The following FAM234A variants were observed in gnomAD, a reference collection of about 807,000 sequenced individuals.
FAM234A encodes protein FAM234A.
FAM234A carries 42 observed loss-of-function variants against 49.1 expected under a neutral mutation model. The ratio of observed to expected loss-of-function variants is 0.86; its 90% CI spans 0.67 to 1.11. The LOEUF (loss-of-function observed/expected upper bound fraction) is 1.11. FAM234A is among the 50% of genes least tolerant of loss of function. The pLI is 0.00. For missense variants in FAM234A, 815 were observed against 745.2 expected (o/e 1.09, Z -1.09); for synonymous variants, 369 against 316.2 (o/e 1.17, Z -1.77).
chr16:235,092 G>C (rs1393004806), intron 1 of FAM234A, among the ~76,000 whole-genome samples: 1 of 152,232 alleles, frequency 6.6e-6, no homozygotes, highest in Non-Finnish European at 1.5e-5. Context: ...TGATTCTTTC[G>C]GGTTTCCCCC....
chr16:263,236 C>T (rs928882608), intron 8 of FAM234A, 26 bp from the exon 9 acceptor site: 6 of 1,606,140 alleles, frequency 3.7e-6, no homozygotes, highest in Non-Finnish European at 5.1e-6. Context: ...GGACCCGGCG[C>T]CCCTTTCTCC....
intron 6 of FAM234A, 124 bp downstream of exon 6, chr16:261,638 C>A: frequency 8.5e-7 from 1 of 1,179,926 alleles, no homozygotes; most frequent in Non-Finnish European, 1.2e-6. Flanking sequence ...CGGGGACTCG[C>A]CCAGAGCCCC....
At chr16:254,337 C>A (rs1004571264) in intron 2 of FAM234A, 44 bp from the exon 3 acceptor site, 35 of 1,529,922 alleles carry the variant, frequency 2.3e-5, no homozygotes, top group Non-Finnish European at 3.0e-5. Context: ...AGCTTTGTGC[C>A]GTGGGACTGC....
In FAM234A at chr16:265,769, C is replaced by T. The variant is rs1029651927; in HGVS notation, c.*747C>T. On this transcript the variant is annotated 3_prime_UTR_variant, in exon 13 of 13. Transcript: ENST00000399932. ...TACTGGCTGCATGTGCTGTGAATAT[C>T]CCAAGGAACTGGCTGTGGAATGCGT... The T allele has an allele frequency of 1.0e-6, 1 of 985,630 alleles. No homozygotes were observed. The highest frequency in any genetic ancestry group is 1.2e-6 in the Non-Finnish European group (1 of 830,186). 61.1% of individuals were successfully genotyped at this position (985,630 alleles called of 1,614,324 possible). A position where few individuals can be genotyped will look rare whatever the true frequency, so the allele number is the denominator to read the frequency against.
chr16:264,493 T>G, intron 11 of FAM234A, 121 bp from the exon 12 acceptor site: 1 of 793,464 alleles, frequency 1.3e-6, no homozygotes, highest in Non-Finnish European at 2.0e-6. Flanking sequence ...GGGCTGGCAT[T>G]TGGGGGACCC....
chr16:254,712 C>G (rs1449978588), intron 3 of FAM234A, 31 bp downstream of exon 3: 3 of 1,607,020 alleles, frequency 1.9e-6, no homozygotes, highest in East Asian at 2.2e-5. Context: ...CCAGTGGGGT[C>G]CAAAGCAGCT....
At chr16:238,349 C>G (rs182103652) in intron 1 of FAM234A, among the ~76,000 whole-genome samples, 1 of 152,124 alleles carries the variant, frequency 6.6e-6, no homozygotes, top group Non-Finnish European at 1.5e-5. Context: ...CACTATGCAG[C>G]TTACCACTCC....
chr16:250,022 T>C (rs1181169739), intron 2 of FAM234A, among the ~76,000 whole-genome samples: 1 of 152,202 alleles, frequency 6.6e-6, no homozygotes, highest in Non-Finnish European at 1.5e-5. Flanking sequence ...CTCGGCTCAC[T>C]GCAAGCTCCA....
intron 1 of FAM234A, among the ~76,000 whole-genome samples, chr16:243,998 T>C (rs1442927935): frequency 6.6e-6 from 1 of 151,952 alleles, no homozygotes; most frequent in African/African-American, 2.4e-5. Context: ...AGTCGGAGTC[T>C]TGCTCTGTCA....
chr16:240,502 ATTTTTTTT>A (rs11341453), intron 1 of FAM234A, among the ~76,000 whole-genome samples: 1 of 131,956 alleles, frequency 7.6e-6, no homozygotes, highest in Admixed American at 7.5e-5. Flanking sequence ...ATCTGGGTGT[ATTTTTTTT>A]TTTTTTTTTG....
intron 3 of FAM234A, among the ~76,000 whole-genome samples, chr16:255,242 G>A (rs1196409539): frequency 6.6e-6 from 1 of 151,700 alleles, no homozygotes; most frequent in Non-Finnish European, 1.5e-5. Flanking sequence ...CTCCTCCCTC[G>A]GCCTCCCAAC....
Position 264,053 on chromosome 16 carries a change from G to GTAGCC in FAM234A, c.1232_1236dup (p.Leu413Ter). On this transcript the variant is annotated frameshift_variant, in exon 11 of 13. Transcript: ENST00000399932. LOFTEE classifies it high-confidence loss of function. ...GACCTTGGCACTGGAGCCGTCCTGT[G>GTAGCC]TAGCCTAGCCCTCCCGAGCCTCCCT... is the stretch of plus-strand genomic sequence containing the variant. 6.2e-7 allele frequency: 1 copy of GTAGCC among 1,613,204 alleles called. No homozygotes were observed. Among genetic ancestry groups the GTAGCC allele is most frequent in the Admixed American group, 1.7e-5 (1 of 60,010 alleles).
chr16:255,740 C>T (rs2051205538), intron 3 of FAM234A, among the ~76,000 whole-genome samples: 1 of 152,150 alleles, frequency 6.6e-6, no homozygotes, highest in African/African-American at 2.4e-5. Context: ...CTCCGCTCAT[C>T]TCAACCGCCA....
rs774886289 is a variant in FAM234A, at chr16:264,655, C to A, written c.1386C>A (p.Pro462=). Residue 462 remains proline, a synonymous_variant, in exon 12 of 13, where the codon CCC becomes CCA. Transcript: ENST00000399932. ...EARHSLYMFH[P]TLPRVLLELA... ...GGCACAGCCTGTACATGTTCCACCC[C>A]ACCCTGCCGCGCGTGCTGCTGGAGC... The A allele has an allele frequency of 7.4e-6, 12 of 1,611,892 alleles. 1 individual carries two copies. The South Asian group carries it at 1.1e-4, about 15-fold the overall frequency.
At chr16:268,663 G>A (rs768871142), downstream of FAM234A, 33 of 1,115,418 alleles carry the variant, frequency 3.0e-5, no homozygotes, top group South Asian at 4.3e-5. Flanking sequence ...AGGTGCCGGC[G>A]CACCTGTGGA....
In FAM234A at chr16:264,120, CTCAGCCTTCT is replaced by C. The variant is rs1236272288; in HGVS notation, c.1296_1305del (p.Ala433SerfsTer62). 2 of 1,610,652 alleles carry C rather than the reference CTCAGCCTTCT, an allele frequency of 1.2e-6. No homozygotes were observed. The highest frequency in any genetic ancestry group is 1.7e-5 in the Admixed American group (1 of 59,910). Reference sequence around the variant, plus strand: ...CCAGCCTGCCGACCGCAGACCACCGCTCAGCCTTCTTCTTCTGGGGCCTCCACGAGCTGGG... The same window carrying C: ...CCAGCCTGCCGACCGCAGACCACCGCTCTTCTGGGGCCTCCACGAGCTGGG... On this transcript the variant is annotated frameshift_variant, in exon 11 of 13. Transcript: ENST00000399932. LOFTEE classifies it high-confidence loss of function.
chr16:249,003 C>T lies in FAM234A; in HGVS notation c.-139-546C>T, dbSNP rs537443598. 1.3e-3 allele frequency among the ~76,000 whole-genome samples: 200 copies of T among 151,952 alleles called. 4 individuals carry two copies. Among genetic ancestry groups the T allele is most frequent in the African/African-American group, 4.7e-3 (193 of 41,310 alleles). On this transcript the variant is annotated intron_variant, in intron 1 of 12. Coordinates refer to ENST00000399932, the MANE Select transcript of FAM234A (RefSeq NM_032039.4). Reference sequence around the variant, plus strand: ...ATTAATAGTAATTGTCTTGCAGGGTCCTTTGGTCATAGCTTACATATTAGA... The same window carrying T: ...ATTAATAGTAATTGTCTTGCAGGGTTCTTTGGTCATAGCTTACATATTAGA...
At chr16:236,594 G>T (rs1391362081) in intron 1 of FAM234A, among the ~76,000 whole-genome samples, 9 of 147,528 alleles carry the variant, frequency 6.1e-5, no homozygotes, top group Non-Finnish European at 1.3e-4. Flanking sequence ...CTACGCTCTG[G>T]AGACATAGCG....
intron 1 of FAM234A, among the ~76,000 whole-genome samples, chr16:241,786 G>C (rs562783219): frequency 2.0e-4 from 30 of 151,382 alleles, no homozygotes; most frequent in African/African-American, 7.3e-4. Flanking sequence ...GCTTGGTGGC[G>C]GGCACCTGTA....
Sources: allele counts gnomAD v4.1 joint callset (sites outside exome capture counted in the v4.1 genomes callset), GRCh38; gene constraint gnomAD v4.1.1; transcripts MANE v1.5; gene names NCBI Gene and HGNC (gene_info 2026-07-23, HGNC 2026-07-21).